The following GRIK4 variants were observed in gnomAD, a reference collection of about 807,000 sequenced individuals.
GRIK4 encodes the protein glutamate receptor ionotropic, kainate 4.
In GRIK4, 40 loss-of-function variants were observed where a neutral mutation model predicts 104.9. That is an observed-to-expected ratio of 0.38 (90% CI 0.30 to 0.50). GRIK4 has a LOEUF of 0.50. Among genes scored for constraint, GRIK4 ranks in the 20% least tolerant of loss-of-function variants. GRIK4 has a pLI of 0.93. For synonymous variants in GRIK4, 485 were observed against 524.9 expected (o/e 0.92, Z 1.04); for missense variants, 1,047 against 1,308.1 (o/e 0.80, Z 3.08).
intron 3 of GRIK4, among the ~76,000 whole-genome samples, chr11:120,705,394 T>C (rs923958440): frequency 1.3e-5 from 2 of 152,124 alleles, no homozygotes; most frequent in African/African-American, 4.8e-5. Context: ...CCCAGCTAAT[T>C]TTTGTATTTT....
At chr11:120,806,584 A>G (rs1952717081) in intron 4 of GRIK4, among the ~76,000 whole-genome samples, 1 of 152,206 alleles carries the variant, frequency 6.6e-6, no homozygotes, top group Admixed American at 6.5e-5. Context: ...TAGTGATGAT[A>G]TCTTTGACTG....
chr11:120,554,078 C>T lies in GRIK4; in HGVS notation c.-159+42191C>T, dbSNP rs751856188. 3.3e-5 allele frequency among the ~76,000 whole-genome samples: 5 copies of T among 152,122 alleles called. No individual in the cohort carries two copies. The South Asian group carries it at 1.0e-3, about 32-fold the overall frequency. ...CACCCCTACCCACTCACACCCCCAC[C>T]CACTCACACCCCCACCCACAGCATC... On this transcript the variant is annotated intron_variant, in intron 1 of 20. Coordinates refer to ENST00000527524, the MANE Select transcript of GRIK4 (RefSeq NM_014619.5).
intron 1 of GRIK4, among the ~76,000 whole-genome samples, chr11:120,570,358 T>C (rs540919591): frequency 6.6e-6 from 1 of 152,324 alleles, no homozygotes; most frequent in Admixed American, 6.5e-5. Flanking sequence ...TTCAACTGTT[T>C]AGCTGCTTTT....
In GRIK4 at chr11:120,905,418, G is replaced by T. The variant is rs376266352; in HGVS notation, c.1401G>T (p.Leu467=). 8.1e-6 allele frequency: 13 copies of T among 1,613,894 alleles called. No individual in the cohort carries two copies. The Admixed American group carries it at 1.7e-4, about 21-fold the overall frequency. The part of the protein sequence containing the change: ...EILRFNYKIR[L]VGDGVYGVPE... Reference sequence around the variant, plus strand: ...TCCGATTCAACTACAAGATCCGCCTGGTTGGGGATGGCGTGTACGGCGTTC... The same window carrying T: ...TCCGATTCAACTACAAGATCCGCCTTGTTGGGGATGGCGTGTACGGCGTTC... Residue 467 remains leucine, a synonymous_variant, in exon 13 of 21, where the codon CTG becomes CTT. Transcript: ENST00000527524. This position sits in a 1 kb window ranked among gnomAD's most constrained non-coding sequence, Gnocchi z 5.1.
rs370138831 is a variant in GRIK4 at position 120,534,503 on chromosome 11, A to G, written c.-159+22616A>G. Among the ~76,000 whole-genome samples the G allele has an allele frequency of 1.2e-4, 19 of 152,236 alleles. No homozygotes were observed. In the East Asian group the frequency reaches 3.1e-3, roughly 25 times the overall value. On this transcript the variant is annotated intron_variant, in intron 1 of 20. Coordinates refer to ENST00000527524, the MANE Select transcript of GRIK4 (RefSeq NM_014619.5). The stretch of plus-strand genomic sequence containing the variant: ...GAGAAGCTGATGACGGAGCGCTGAG[A>G]ACCGTGCACGCTGGGGCCTGAGTCC...
intron 1 of GRIK4, among the ~76,000 whole-genome samples, chr11:120,644,328 G>A (rs924389475): frequency 6.6e-6 from 1 of 152,220 alleles, no homozygotes; most frequent in Non-Finnish European, 1.5e-5. Flanking sequence ...CAACGGGAAT[G>A]TGGTACCGTT....
At chr11:120,593,370 G>A (rs1245183581) in intron 1 of GRIK4, among the ~76,000 whole-genome samples, 2 of 152,012 alleles carry the variant, frequency 1.3e-5, no homozygotes, top group Admixed American at 6.6e-5. Flanking sequence ...TGGGGAGGTC[G>A]CTAGTAGCTT....
chr11:120,815,605 T>TAATAACAAC lies in GRIK4; in HGVS notation c.345+132_345+133insTAACAACAA. 6 of 563,724 alleles carry TAATAACAAC rather than the reference T, an allele frequency of 1.1e-5. No individual in the cohort carries two copies. The East Asian group carries it at 1.7e-4, about 16-fold the overall frequency. The allele number at this position is 563,724 out of a possible 1,614,324, so 34.9% of individuals were successfully genotyped here. The stretch of plus-strand genomic sequence containing the variant: ...GTTGGTATCATTAATAACAACAACA[T>TAATAACAAC]AAATACAAATACAGAAGCAGTGGGC... On this transcript the variant is annotated intron_variant, in intron 5 of 20. Coordinates refer to ENST00000527524, the MANE Select transcript of GRIK4 (RefSeq NM_014619.5).
At chr11:120,927,437 C>T (rs1036234365) in intron 13 of GRIK4, among the ~76,000 whole-genome samples, 5 of 151,772 alleles carry the variant, frequency 3.3e-5, no homozygotes, top group African/African-American at 7.3e-5. Context: ...TGTGGTGGTG[C>T]GTGCCTGTAG....
intron 4 of GRIK4, among the ~76,000 whole-genome samples, chr11:120,808,282 A>G (rs1381697746): frequency 1.3e-5 from 2 of 152,156 alleles, no homozygotes; most frequent in Non-Finnish European, 1.5e-5. Flanking sequence ...CCTCCTCTGT[A>G]AAATGGGAAT....
chr11:120,909,710 A>C (rs1254531189), intron 13 of GRIK4, among the ~76,000 whole-genome samples: 1 of 152,200 alleles, frequency 6.6e-6, no homozygotes, highest in Non-Finnish European at 1.5e-5. Flanking sequence ...CTTGGGGTTG[A>C]CCAAGGAATC....
At chr11:120,809,879 G>A (rs933110364) in intron 4 of GRIK4, among the ~76,000 whole-genome samples, 4 of 152,116 alleles carry the variant, frequency 2.6e-5, no homozygotes, top group African/African-American at 9.7e-5. Context: ...CAGCCTGGGC[G>A]ATGTAGTGGG....
At chr11:120,719,204 A>G (rs1950889197) in intron 3 of GRIK4, among the ~76,000 whole-genome samples, 1 of 152,212 alleles carries the variant, frequency 6.6e-6, no homozygotes, top group African/African-American at 2.4e-5. Context: ...ATAGCATTTT[A>G]TGCATGCTTG....
chr11:120,820,697 G>C (rs1953100386), intron 6 of GRIK4, among the ~76,000 whole-genome samples: 1 of 152,162 alleles, frequency 6.6e-6, no homozygotes, highest in Non-Finnish European at 1.5e-5. Flanking sequence ...CTTACCTGGG[G>C]GTTTTTATGG....
At chr11:120,984,254 AC>A (rs1337580338) in intron 20 of GRIK4, among the ~76,000 whole-genome samples, 1 of 152,240 alleles carries the variant, frequency 6.6e-6, no homozygotes, top group African/African-American at 2.4e-5. Context: ...GGACGAAAGA[AC>A]ATTAAAGAAC....
intron 9 of GRIK4, chr11:120,869,094 G>A (rs2135662260): frequency 6.6e-6 from 1 of 152,580 alleles, no homozygotes; most frequent in Admixed American, 6.5e-5. Context: ...ATTCGGTGAG[G>A]GCAGGAGATT....
intron 9 of GRIK4, chr11:120,870,177 A>G (rs1349206512): frequency 6.6e-6 from 1 of 152,198 alleles, no homozygotes; most frequent in Non-Finnish European, 1.5e-5. Context: ...ACATATTGGC[A>G]TGGGGACCTT....
intron 3 of GRIK4, among the ~76,000 whole-genome samples, chr11:120,682,504 G>C (rs750905864): frequency 1.5e-4 from 23 of 151,742 alleles, no homozygotes; most frequent in Admixed American, 3.9e-4. Context: ...CCTAGTATCA[G>C]TTTCTTGAGT....
At chr11:120,586,538 G>C (rs1948666690) in intron 1 of GRIK4, among the ~76,000 whole-genome samples, 1 of 152,126 alleles carries the variant, frequency 6.6e-6, no homozygotes, top group South Asian at 2.1e-4. Flanking sequence ...GTTTTAGGTG[G>C]GTCACCAGGG....
Sources: gnomAD v4.1 joint callset for allele counts (sites outside exome capture counted in the v4.1 genomes callset) on GRCh38, gnomAD v4.1.1 for gene constraint, Gnocchi (gnomAD v3.1) non-coding constraint, MANE v1.5 for transcripts, NCBI Gene and HGNC (gene_info 2026-07-23, HGNC 2026-07-21) for gene names.